RAI1: variants seen among roughly 807,000 people sequenced by gnomAD.
RAI1 encodes the protein retinoic acid-induced protein 1.
In RAI1, 9 loss-of-function variants were observed where a neutral mutation model predicts 123.8. The observed-to-expected ratio is 0.07, with a 90% CI of 0.04 to 0.13. The LOEUF (loss-of-function observed/expected upper bound fraction) is 0.13. RAI1 is among the 10% of genes least tolerant of loss of function. RAI1 has a pLI of 1.00. For synonymous variants in RAI1, 1,231 were observed against 1,127.3 expected (o/e 1.09, Z -1.84); for missense variants, 2,256 against 2,545.8 (o/e 0.89, Z 2.45).
intron 2 of RAI1, among the ~76,000 whole-genome samples, chr17:17,752,340 G>A (rs1466968092): frequency 3.3e-5 from 5 of 152,230 alleles, no homozygotes; most frequent in African/African-American, 1.2e-4. Context: ...GGAGGGGCGG[G>A]GCGGGGTGAG....
intron 1 of RAI1, among the ~76,000 whole-genome samples, chr17:17,704,460 C>G (rs769333082): frequency 6.6e-6 from 1 of 152,096 alleles, no homozygotes; most frequent in Non-Finnish European, 1.5e-5. Context: ...CTTTGTCTCC[C>G]CAGGGCAGTC....
chr17:17,744,532 C>T (rs976316143), intron 2 of RAI1, among the ~76,000 whole-genome samples: 2 of 152,098 alleles, frequency 1.3e-5, no homozygotes, highest in Non-Finnish European at 2.9e-5. Context: ...GTGGCTCACG[C>T]CTGTAATTCC....
intron 1 of RAI1, among the ~76,000 whole-genome samples, chr17:17,705,172 A>G (rs901491679): frequency 6.6e-6 from 1 of 152,210 alleles, no homozygotes; most frequent in African/African-American, 2.4e-5. Context: ...TCATCACTCA[A>G]GCCTGTCCCC....
At chr17:17,743,851 G>T (rs1916720316) in intron 2 of RAI1, among the ~76,000 whole-genome samples, 1 of 152,254 alleles carries the variant, frequency 6.6e-6, no homozygotes, top group Non-Finnish European at 1.5e-5. Flanking sequence ...GGAGGGCCAA[G>T]GACATCTTTT....
At chr17:17,808,391 TTTATTTTATTTTATTTTATTTTA>T (rs1258010857) in intron 4 of RAI1, among the ~76,000 whole-genome samples, 2 of 98,268 alleles carry the variant, frequency 2.0e-5, no homozygotes, top group East Asian at 7.6e-4. Context: ...ATTTTATTAT[TTTATTTTATTTTATTTTATTTTA>T]TTATTTTATT....
chr17:17,739,864 C>T (rs573651847), intron 2 of RAI1, among the ~76,000 whole-genome samples: 2 of 152,320 alleles, frequency 1.3e-5, no homozygotes, highest in Non-Finnish European at 2.9e-5. Context: ...CAGTGGGCCA[C>T]GGGGGCTGAC....
Position 17,792,933 on chromosome 17 carries a change from A to G in RAI1, c.-16A>G, listed in dbSNP as rs758981389. Reference sequence around the variant, plus strand: ...CCTCCCTTCCTTTTTCTTTTCACAGATAACCAGCCCGAGTCATGCAGTCTT... The same window carrying G: ...CCTCCCTTCCTTTTTCTTTTCACAGGTAACCAGCCCGAGTCATGCAGTCTT... On this transcript the variant is annotated splice_region_variant and 5_prime_UTR_variant, in exon 3 of 6. Transcript: ENST00000353383. 1.0e-5 allele frequency: 16 copies of G among 1,534,294 alleles called. No homozygotes were observed. The Admixed American group carries it at 1.4e-4, about 13-fold the overall frequency.
intron 1 of RAI1, among the ~76,000 whole-genome samples, chr17:17,696,758 G>A (rs545880243): frequency 1.3e-5 from 2 of 152,338 alleles, no homozygotes; most frequent in East Asian, 1.9e-4. Flanking sequence ...CTCATGGCCC[G>A]ATGCTGAGAT....
chr17:17,803,057 C>G (rs2143004993), intron 3 of RAI1, among the ~76,000 whole-genome samples: 1 of 150,714 alleles, frequency 6.6e-6, no homozygotes, highest in Non-Finnish European at 1.5e-5. Flanking sequence ...GCACTCCAGC[C>G]CCGGGGGGAC....
rs1374084084 is a variant in RAI1, at chr17:17,797,349, C to T, written c.4401C>T (p.Pro1467=). Reference sequence around the variant, plus strand: ...CCAAAGGCCCGCTGGAGAAGCGGCCCTATCTTGGCCCGGCTCTGCTCCTGA... The same window carrying T: ...CCAAAGGCCCGCTGGAGAAGCGGCCTTATCTTGGCCCGGCTCTGCTCCTGA... The part of the protein sequence containing the change: ...GLSKGPLEKR[P]YLGPALLLTP... The change falls in exon 3 of 6, where the codon CCC becomes CCT. Residue 1467 remains proline (P), a synonymous_variant. Transcript: ENST00000353383. 1 of 1,612,342 alleles carries T rather than the reference C, an allele frequency of 6.2e-7. No individual in the cohort carries two copies. Among genetic ancestry groups the T allele is most frequent in the Non-Finnish European group, 8.5e-7 (1 of 1,179,718 alleles).
intron 3 of RAI1, chr17:17,802,031 C>G (rs558426603): frequency 2.1e-6 from 1 of 469,902 alleles, no homozygotes; most frequent in South Asian, 1.5e-5. Context: ...CCTCACCCCC[C>G]GCCCCCAGCA....
At chr17:17,808,098 G>A (rs1396066021) in intron 4 of RAI1, among the ~76,000 whole-genome samples, 1 of 152,196 alleles carries the variant, frequency 6.6e-6, no homozygotes, top group African/African-American at 2.4e-5. Flanking sequence ...AGCTACTTTT[G>A]GGTCTGGGGT....
intron 1 of RAI1, among the ~76,000 whole-genome samples, chr17:17,711,283 G>A (rs1453812608): frequency 2.6e-5 from 4 of 152,214 alleles, no homozygotes; most frequent in African/African-American, 9.7e-5. Context: ...CACCCCTGGA[G>A]CACCCGTCCC....
chr17:17,779,475 C>T (rs1355193970), intron 2 of RAI1: 1 of 157,616 alleles, frequency 6.3e-6, no homozygotes, highest in Non-Finnish European at 1.4e-5. Flanking sequence ...ACCTGTTAGT[C>T]TGTTGTCGGG....
chr17:17,776,348 T>C (rs1246682119), intron 2 of RAI1, among the ~76,000 whole-genome samples: 1 of 152,206 alleles, frequency 6.6e-6, no homozygotes, highest in African/African-American at 2.4e-5. Flanking sequence ...TCAAATGCAA[T>C]TTCCTTTTTA....
chr17:17,781,044 A>AC (rs1469756782), intron 2 of RAI1, among the ~76,000 whole-genome samples: 1 of 150,004 alleles, frequency 6.7e-6, no homozygotes, highest in Non-Finnish European at 1.5e-5. Context: ...TGGAATCTCC[A>AC]CCCCCCACCA....
At chr17:17,711,665 G>C (rs1357307704) in intron 1 of RAI1, among the ~76,000 whole-genome samples, 2 of 152,218 alleles carry the variant, frequency 1.3e-5, no homozygotes, top group African/African-American at 4.8e-5. Context: ...TAAAGGAACA[G>C]TGGCTGTAAG....
At chr17:17,790,020 C>G (rs1320692888) in intron 2 of RAI1, among the ~76,000 whole-genome samples, 1 of 152,182 alleles carries the variant, frequency 6.6e-6, no homozygotes, top group African/African-American at 2.4e-5. Context: ...CACCATCGTT[C>G]TGCCGGGGCC....
chr17:17,772,482 C>T (rs1427512134), intron 2 of RAI1, among the ~76,000 whole-genome samples: 1 of 152,238 alleles, frequency 6.6e-6, no homozygotes, highest in African/African-American at 2.4e-5. Flanking sequence ...CTCTGGGGCT[C>T]CCCGTGGCCC....
Sources: gnomAD v4.1 joint callset for allele counts (sites outside exome capture counted in the v4.1 genomes callset) on GRCh38, gnomAD v4.1.1 for gene constraint, MANE v1.5 for transcripts, NCBI Gene and HGNC (gene_info 2026-07-23, HGNC 2026-07-21) for gene names.